Variants in XPR1 observed in about 807,000 individuals in gnomAD.
XPR1 encodes the protein solute carrier family 53 member 1.
In XPR1, 28 loss-of-function variants were observed where a neutral mutation model predicts 87.5. The observed-to-expected ratio is 0.32, with a 90% CI of 0.24 to 0.44. The LOEUF is 0.44. Ranked by LOEUF, XPR1 falls within the 20% of genes least tolerant of loss-of-function variation. The pLI, the probability that XPR1 is intolerant of heterozygous loss-of-function variation, is 1.00. For missense variants in XPR1, 559 were observed against 862.3 expected (o/e 0.65, Z 4.41); for synonymous variants, 300 against 306.1 (o/e 0.98, Z 0.21).
At chr1:180,690,832 A>G (rs983227259) in intron 2 of XPR1, among the ~76,000 whole-genome samples, 1 of 151,386 alleles carries the variant, frequency 6.6e-6, no homozygotes, top group African/African-American at 2.4e-5. Context: ...AGTAGGAATA[A>G]AAGTGAATCC....
At chr1:180,728,295 A>AC (rs1361768598) in intron 2 of XPR1, among the ~76,000 whole-genome samples, 1 of 83,542 alleles carries the variant, frequency 1.2e-5, no homozygotes, top group African/African-American at 4.6e-5. Context: ...GTTGTTTATA[A>AC]CTGGGGGGGG....
intron 2 of XPR1, among the ~76,000 whole-genome samples, chr1:180,726,717 G>A (rs1223117033): frequency 7.1e-6 from 1 of 140,206 alleles, no homozygotes; most frequent in African/African-American, 2.6e-5. Context: ...AGACATCAGA[G>A]AGATTTGTAC....
chr1:180,706,050 T>G (rs529974515), intron 2 of XPR1, among the ~76,000 whole-genome samples: 2 of 152,322 alleles, frequency 1.3e-5, no homozygotes, highest in East Asian at 3.9e-4. Flanking sequence ...AGGGAAGATT[T>G]AGTAGAACAC....
intron 2 of XPR1, among the ~76,000 whole-genome samples, chr1:180,714,333 T>C (rs1041316557): frequency 1.3e-4 from 19 of 151,208 alleles, no homozygotes; most frequent in Non-Finnish European, 2.2e-4. Context: ...GATTTTTCTC[T>C]CATATTTTTT....
intron 2 of XPR1, among the ~76,000 whole-genome samples, chr1:180,778,363 A>T (rs563143009): frequency 6.6e-6 from 1 of 152,154 alleles, no homozygotes; most frequent in African/African-American, 2.4e-5. Context: ...ACCAAGGACT[A>T]TATTCTTATA....
At chr1:180,862,333 C>T (rs1363444024) in intron 11 of XPR1, among the ~76,000 whole-genome samples, 1 of 152,094 alleles carries the variant, frequency 6.6e-6, no homozygotes, top group African/African-American at 2.4e-5. Flanking sequence ...TCTCTCACAT[C>T]TTCTATATGT....
At chr1:180,740,735 A>G (rs1402828097) in intron 2 of XPR1, among the ~76,000 whole-genome samples, 2 of 152,196 alleles carry the variant, frequency 1.3e-5, no homozygotes, top group African/African-American at 4.8e-5. Context: ...AGAATGCCAC[A>G]TAGACTGTGC....
chr1:180,866,627 A>G (rs1652401100), intron 12 of XPR1, among the ~76,000 whole-genome samples: 2 of 152,176 alleles, frequency 1.3e-5, no homozygotes, highest in African/African-American at 4.8e-5. Context: ...ATGTGGATTT[A>G]CCCAAAAATT....
intron 2 of XPR1, among the ~76,000 whole-genome samples, chr1:180,740,218 G>A (rs1216966651): frequency 6.6e-6 from 1 of 152,106 alleles, no homozygotes; most frequent in African/African-American, 2.4e-5. Flanking sequence ...TTGAATAGGT[G>A]TGAAGAGTAG....
At chr1:180,788,623 T>C (rs765577415) in intron 3 of XPR1, among the ~76,000 whole-genome samples, 1 of 152,172 alleles carries the variant, frequency 6.6e-6, no homozygotes. Flanking sequence ...ACCTATCCTA[T>C]TGAATGTAAT....
At chr1:180,820,660 C>T (rs1017239847) in intron 7 of XPR1, among the ~76,000 whole-genome samples, 1 of 152,148 alleles carries the variant, frequency 6.6e-6, no homozygotes, top group East Asian at 1.9e-4. Context: ...AGAGGCTTTA[C>T]CATTTTCCAT....
At chr1:180,751,571 A>G (rs981415920) in intron 2 of XPR1, among the ~76,000 whole-genome samples, 46 of 152,260 alleles carry the variant, frequency 3.0e-4, no homozygotes, top group Middle Eastern at 3.4e-3. Context: ...AAGATATTTT[A>G]CAGTAAACAC....
At chr1:180,667,679 T>C (rs1180673221) in intron 1 of XPR1, among the ~76,000 whole-genome samples, 1 of 152,224 alleles carries the variant, frequency 6.6e-6, no homozygotes, top group African/African-American at 2.4e-5. Flanking sequence ...AGGGTTGATA[T>C]TCTTTAAATG....
Position 180,721,517 on chromosome 1 carries a change from C to T in XPR1, c.121+39106C>T, listed in dbSNP as rs562418872. On this transcript the variant is annotated intron_variant, in intron 2 of 14. Coordinates refer to ENST00000367590, the MANE Select transcript of XPR1 (RefSeq NM_004736.4). ...CTTGGATTTGAGCCAGGATTGAAAC[C>T]GTCATTTTACTCCTGGCTATGTGGT... Among the ~76,000 whole-genome samples, 6 of 152,190 alleles carry T rather than the reference C, an allele frequency of 3.9e-5. No homozygotes were observed. The East Asian group carries it at 9.6e-4, about 24-fold the overall frequency.
At chr1:180,746,272 C>G (rs1202345488) in intron 2 of XPR1, among the ~76,000 whole-genome samples, 1 of 152,080 alleles carries the variant, frequency 6.6e-6, no homozygotes, top group Non-Finnish European at 1.5e-5. Context: ...TCACCTCCCC[C>G]ACCTTCCTCT....
At chr1:180,687,566 T>C (rs1283987670) in intron 2 of XPR1, among the ~76,000 whole-genome samples, 1 of 152,066 alleles carries the variant, frequency 6.6e-6, no homozygotes, top group Non-Finnish European at 1.5e-5. Flanking sequence ...ATTGATAAAA[T>C]AGGCTTTTTC....
chr1:180,742,639 T>C (rs932745339), intron 2 of XPR1, among the ~76,000 whole-genome samples: 1 of 152,142 alleles, frequency 6.6e-6, no homozygotes, highest in Admixed American at 6.5e-5. Context: ...TAAAGGTTAA[T>C]TACATCCACT....
intron 2 of XPR1, among the ~76,000 whole-genome samples, chr1:180,778,850 A>G (rs373548516): frequency 4.1e-4 from 63 of 152,358 alleles, no homozygotes; most frequent in African/African-American, 1.4e-3. Flanking sequence ...ATTTAATAAA[A>G]CAGAAACTAA....
chr1:180,703,546 A>C (rs891501384), intron 2 of XPR1, among the ~76,000 whole-genome samples: 4 of 152,308 alleles, frequency 2.6e-5, no homozygotes, highest in South Asian at 4.2e-4. Flanking sequence ...TAGGCAGGGC[A>C]GATCAGTCCT....
Sources: gnomAD v4.1 joint callset for allele counts (sites outside exome capture counted in the v4.1 genomes callset) on GRCh38, gnomAD v4.1.1 for gene constraint, MANE v1.5 for transcripts, NCBI Gene and HGNC (gene_info 2026-07-23, HGNC 2026-07-21) for gene names.